The following FHIT variants were observed in gnomAD, a reference collection of about 807,000 sequenced individuals.
FHIT encodes fragile histidine triad diadenosine triphosphatase.
A neutral mutation model predicts 17.9 loss-of-function variants in FHIT; 19 were observed. The observed-to-expected ratio is 1.06, with a 90% CI of 0.74 to 1.56. The LOEUF (loss-of-function observed/expected upper bound fraction) is 1.56. FHIT is among the 40% of genes most tolerant of loss of function. The probability of loss-of-function intolerance (pLI) is 0.00; values close to 1 mark genes in which losing one functional copy is unlikely to be tolerated. For synonymous variants in FHIT, 81 were observed against 69.7 expected (o/e 1.16, Z -0.81); for missense variants, 248 against 189.2 (o/e 1.31, Z -1.82).
At chr3:59,871,289 A>G (rs1333097108) in intron 8 of FHIT, among the ~76,000 whole-genome samples, 1 of 152,178 alleles carries the variant, frequency 6.6e-6, no homozygotes, top group Non-Finnish European at 1.5e-5. Flanking sequence ...AGAGAGCATC[A>G]ATATTGTAAA....
At chr3:60,794,458 C>T (rs1264420444) in intron 4 of FHIT, among the ~76,000 whole-genome samples, 2 of 151,728 alleles carry the variant, frequency 1.3e-5, no homozygotes, top group African/African-American at 2.4e-5. Flanking sequence ...CAGTTTTCCA[C>T]ATTTTAACAT....
At chr3:59,922,723 T>C (rs1559733798) in intron 7 of FHIT, among the ~76,000 whole-genome samples, 1 of 152,218 alleles carries the variant, frequency 6.6e-6, no homozygotes, top group East Asian at 1.9e-4. Flanking sequence ...GAAATGACAG[T>C]GCATCTTCAA....
At chr3:60,666,836 T>C in intron 4 of FHIT, among the ~76,000 whole-genome samples, 1 of 147,858 alleles carries the variant, frequency 6.8e-6, no homozygotes, top group African/African-American at 2.5e-5. Context: ...CCATGCCCAA[T>C]TTATCTTTTT....
At chr3:61,213,283 T>C (rs1255356745) in intron 1 of FHIT, among the ~76,000 whole-genome samples, 7 of 152,096 alleles carry the variant, frequency 4.6e-5, no homozygotes, top group South Asian at 2.1e-4. Flanking sequence ...GAGACAAACA[T>C]AGGCTCAAAA....
intron 5 of FHIT, among the ~76,000 whole-genome samples, chr3:60,434,960 A>C (rs1279325923): frequency 6.6e-6 from 1 of 152,090 alleles, no homozygotes; most frequent in African/African-American, 2.4e-5. Flanking sequence ...TTTTTTCTCC[A>C]CTGTGGCATG....
chr3:59,829,098 A>G (rs1166638739), intron 8 of FHIT, among the ~76,000 whole-genome samples: 1 of 152,222 alleles, frequency 6.6e-6, no homozygotes, highest in Non-Finnish European at 1.5e-5. Context: ...GTACCAAAAG[A>G]AAGTCATGGT....
intron 1 of FHIT, among the ~76,000 whole-genome samples, chr3:61,245,415 T>C (rs1184319682): frequency 6.6e-6 from 1 of 152,160 alleles, no homozygotes; most frequent in Non-Finnish European, 1.5e-5. Flanking sequence ...TCCATTCTCT[T>C]AACTACATCA....
intron 8 of FHIT, among the ~76,000 whole-genome samples, chr3:59,823,651 T>G (rs1263644323): frequency 3.3e-5 from 5 of 152,174 alleles, no homozygotes; most frequent in Admixed American, 3.3e-4. Flanking sequence ...CCAGCATTGC[T>G]TTATGATTAA....
At chr3:60,965,147 T>C (rs1223370674) in intron 3 of FHIT, among the ~76,000 whole-genome samples, 2 of 152,014 alleles carry the variant, frequency 1.3e-5, no homozygotes, top group East Asian at 3.9e-4. Flanking sequence ...CTCTTTTTTC[T>C]CTAAACGTCT....
chr3:60,106,117 C>A (rs558235816), intron 5 of FHIT, among the ~76,000 whole-genome samples: 28 of 152,286 alleles, frequency 1.8e-4, no homozygotes, highest in African/African-American at 6.3e-4. Context: ...ATGCCACTCA[C>A]CTGTTAGATA....
rs62654843 is a variant in FHIT, at chr3:60,860,317, G to C, written c.-110-38306C>G. Among the ~76,000 whole-genome samples the C allele has an allele frequency of 8.2e-3, 222 of 27,114 alleles. 3 individuals are homozygous for C. Among genetic ancestry groups the C allele is most frequent in the East Asian group, 0.046 (26 of 562 alleles). The allele number at this position is 27,114 out of a possible 152,430, so 17.8% of individuals were successfully genotyped here. The stretch of plus-strand genomic sequence containing the variant: ...TGAGATACATCATATGTATACATGA[G>C]ATACATCATATGTATACATGAGATA... On this transcript the variant is annotated intron_variant, in intron 3 of 9. Transcript: ENST00000492590.
intron 7 of FHIT, among the ~76,000 whole-genome samples, chr3:59,978,842 G>T (rs1356939122): frequency 6.6e-6 from 1 of 151,684 alleles, no homozygotes; most frequent in Non-Finnish European, 1.5e-5. Context: ...CAATGGTCTG[G>T]ATATTTGTGA....
chr3:59,926,091 C>G (rs1303326093), intron 7 of FHIT, among the ~76,000 whole-genome samples: 2 of 152,178 alleles, frequency 1.3e-5, no homozygotes, highest in Non-Finnish European at 2.9e-5. Flanking sequence ...AGAAGAGTAT[C>G]TTTTTAAAGT....
At chr3:61,058,122 T>G (rs114852137) in intron 2 of FHIT, among the ~76,000 whole-genome samples, 1 of 152,196 alleles carries the variant, frequency 6.6e-6, no homozygotes, top group African/African-American at 2.4e-5. Flanking sequence ...ATAATCCTCA[T>G]AGACCACTTA....
At chr3:60,478,917 G>T (rs758212087) in intron 5 of FHIT, among the ~76,000 whole-genome samples, 12 of 151,990 alleles carry the variant, frequency 7.9e-5, no homozygotes, top group Admixed American at 7.9e-4. Flanking sequence ...GAAATGAAAC[G>T]CAATATAACT....
At chr3:60,486,476 G>A (rs9856634) in intron 5 of FHIT, among the ~76,000 whole-genome samples, 14,609 of 152,064 alleles carry the variant, frequency 0.096, 1,111 homozygotes, top group East Asian at 0.39. Flanking sequence ...ACATTAATCA[G>A]TCAGTTTAGG....
chr3:60,484,775 G>T (rs2033764080), intron 5 of FHIT, among the ~76,000 whole-genome samples: 1 of 152,120 alleles, frequency 6.6e-6, no homozygotes, highest in Non-Finnish European at 1.5e-5. Flanking sequence ...AATGCCAAAA[G>T]CAATTGCAAC....
intron 3 of FHIT, among the ~76,000 whole-genome samples, chr3:61,015,156 G>A (rs1201180745): frequency 1.3e-5 from 2 of 151,938 alleles, no homozygotes; most frequent in Non-Finnish European, 2.9e-5. Flanking sequence ...GTGCTTCATC[G>A]ACAATCTGAA....
intron 5 of FHIT, among the ~76,000 whole-genome samples, chr3:60,115,092 A>C (rs1183090296): frequency 1.3e-5 from 2 of 152,196 alleles, no homozygotes; most frequent in Non-Finnish European, 2.9e-5. Flanking sequence ...CATATTATAC[A>C]CAGAAGAAAC....
Sources: allele counts gnomAD v4.1 joint callset (sites outside exome capture counted in the v4.1 genomes callset), GRCh38; gene constraint gnomAD v4.1.1; transcripts MANE v1.5; gene names NCBI Gene and HGNC (gene_info 2026-07-23, HGNC 2026-07-21).